Variants in NOL7 observed in about 807,000 individuals in gnomAD.
NOL7 encodes U3 small nucleolar RNA-associated protein NOL7.
A neutral mutation model predicts 38.4 loss-of-function variants in NOL7; 36 were observed. The observed-to-expected ratio is 0.94, with a 90% CI of 0.72 to 1.24. The LOEUF is 1.24. Ranked by LOEUF, NOL7 falls within the 50% of genes most tolerant of loss-of-function variation. The pLI is 0.00. For missense variants in NOL7, 350 were observed against 315.1 expected, an observed-to-expected ratio of 1.11 and a Z score of -0.84; for synonymous variants, 142 against 126.5, an observed-to-expected ratio of 1.12 and a Z score of -0.82.
At position 13,617,727 on chromosome 6, in the gene NOL7, C is replaced by G. The variant is rs370885273; in HGVS notation, c.387-43C>G. The stretch of plus-strand genomic sequence containing the variant: ...AATAATATAACATGTTTTGAGTAAT[C>G]TTTACTGCCATTGCAGTCAGTGGTT... On this transcript the variant is annotated intron_variant, in intron 3 of 7. Coordinates refer to ENST00000451315, the MANE Select transcript of NOL7 (RefSeq NM_016167.5). The G allele has an allele frequency of 8.1e-6, 13 of 1,595,104 alleles. No homozygotes were observed. The African/African-American group carries it at 1.6e-4, about 20-fold the overall frequency.
intron 5 of NOL7, 36 bp from the exon 6 acceptor site, chr6:13,620,172 T>C (rs1764402122): frequency 6.3e-7 from 1 of 1,579,574 alleles, no homozygotes; most frequent in Non-Finnish European, 8.6e-7. Context: ...AGTAAGCATG[T>C]GTAATTCTTA....
rs571805217 is a variant in NOL7 at position 13,621,009 on chromosome 6, A to G, written c.*182A>G. 40 of 432,510 alleles carry G rather than the reference A, an allele frequency of 9.2e-5. No individual in the cohort carries two copies. Among genetic ancestry groups the G allele is most frequent in the Non-Finnish European group, 8.4e-6 (2 of 237,814 alleles). The allele number at this position is 432,510 out of a possible 1,614,324, so 26.8% of individuals were successfully genotyped here. On this transcript the variant is annotated 3_prime_UTR_variant, in exon 8 of 8. Transcript: ENST00000451315. ...ATCCTAGAGGAAAAAGTGGTTTAAG[A>G]AGGAATTGTTTTCTTTTTAATATAT...
rs3757262 is a variant in NOL7 at position 13,616,480 on chromosome 6, A to T, written c.345A>T (p.Pro115=). 0.046 allele frequency: 73,847 copies of T among 1,606,918 alleles called. 2,164 individuals carry two copies. Among genetic ancestry groups the T allele is most frequent in the South Asian group, 0.12 (10,705 of 89,544 alleles). The change falls in exon 3 of 8, where the codon CCA becomes CCT. Residue 115 remains proline, a synonymous_variant. Coordinates refer to ENST00000451315, the MANE Select transcript of NOL7 (RefSeq NM_016167.5). ...TCCAAAAGAAAAGAAAACTCCTTCCAGACACTATTTTGGAGAAGTTAACCA... is the reference window on the plus strand; with the variant it reads ...TCCAAAAGAAAAGAAAACTCCTTCCTGACACTATTTTGGAGAAGTTAACCA... ...FIEQKKRKLL[P]DTILEKLTTA... is the part of the protein sequence containing the mutation.
chr6:13,617,270 C>A (rs552452143), intron 3 of NOL7, among the ~76,000 whole-genome samples: 2 of 149,576 alleles, frequency 1.3e-5, no homozygotes, highest in African/African-American at 5.1e-5. Context: ...CCATCACTTC[C>A]GCTTTTGTGT....
At chr6:13,632,466 T>C (rs775748955) in exon 9 of NOL7, 3 of 1,614,020 alleles carry the variant, frequency 1.9e-6, no homozygotes, top group Non-Finnish European at 2.5e-6. Context: ...TCATTCTTTC[T>C]ATGGCGGCCT....
At position 13,620,232 on chromosome 6, in the gene NOL7, A is replaced by C; in HGVS notation, c.525A>C (p.Val175=). The part of the protein sequence containing the change: ...SVSQNKSYLA[V]RLKDQDLRDS... ...GCCAGAATAAAAGCTACTTGGCCGT[A>C]AGGCTAAAAGACCAAGATCTGAGAG... is the stretch of plus-strand genomic sequence containing the variant. Residue 175 remains valine (V), a synonymous_variant, in exon 6 of 8, where the codon GTA becomes GTC. Transcript: ENST00000451315. The C allele has an allele frequency of 1.2e-6, 2 of 1,613,578 alleles. No homozygotes were observed. The highest frequency in any genetic ancestry group is 2.2e-5 in the South Asian group (2 of 91,022).
At chr6:13,622,632 A>G, downstream of NOL7, 1 of 897,998 alleles carries the variant, frequency 1.1e-6, no homozygotes, top group Non-Finnish European at 1.6e-6. Context: ...AAGGTTTCTA[A>G]GCAAAAGACA....
In NOL7 at chr6:13,620,207, G is replaced by A; in HGVS notation, c.501-1G>A. 6.2e-7 allele frequency: 1 copy of A among 1,605,500 alleles called. No individual in the cohort carries two copies. Among genetic ancestry groups the A allele is most frequent in the Non-Finnish European group, 8.5e-7 (1 of 1,177,726 alleles). ...ATTTAACCTTTTATATTGATCAACA[G>A]CCAGAATAAAAGCTACTTGGCCGTA... On this transcript the variant is annotated splice_acceptor_variant, in intron 5 of 7. Transcript: ENST00000451315. LOFTEE classifies it high-confidence loss of function.
Position 13,620,941 on chromosome 6 carries a change from C to A in NOL7, c.*114C>A. The A allele has an allele frequency of 1.5e-6, 1 of 649,320 alleles. No homozygotes were observed. Among genetic ancestry groups the A allele is most frequent in the Non-Finnish European group, 2.6e-6 (1 of 390,652 alleles). 40.2% of individuals were successfully genotyped at this position (649,320 alleles called of 1,614,324 possible). A position where few individuals can be genotyped will look rare whatever the true frequency, so the allele number is the denominator to read the frequency against. ...AATCATAAACCTATTTGAGGAAGTG[C>A]TCAACCACATTTCATTCTTCTGGAG... On this transcript the variant is annotated 3_prime_UTR_variant, in exon 8 of 8. Transcript: ENST00000451315.
chr6:13,618,923 G>C lies in NOL7; in HGVS notation c.500+784G>C, dbSNP rs12110338. On this transcript the variant is annotated intron_variant, in intron 5 of 7. Transcript: ENST00000451315. ...AAATCGGTTTTCATAAAAAAATAAAGATCAGTTGAACACTTTGTCTTTGCA... is the reference window on the plus strand; with the variant it reads ...AAATCGGTTTTCATAAAAAAATAAACATCAGTTGAACACTTTGTCTTTGCA... Among the ~76,000 whole-genome samples, 1,000 of 152,252 alleles carry C rather than the reference G, an allele frequency of 6.6e-3. 7 individuals carry two copies. Among genetic ancestry groups the C allele is most frequent in the African/African-American group, 0.023 (936 of 41,564 alleles).
rs1764290451 is a variant in NOL7 at position 13,616,469 on chromosome 6, A to G, written c.334A>G (p.Lys112Glu). The G allele has an allele frequency of 6.2e-7, 1 of 1,606,880 alleles. No individual in the cohort carries two copies. The highest frequency in any genetic ancestry group is 8.5e-7 in the Non-Finnish European group (1 of 1,176,398). ...EELFIEQKKR[K>E]LLPDTILEKL... is the part of the protein sequence containing the mutation. Reference sequence around the variant, plus strand: ...AACGTTTTCATTCCAAAAGAAAAGAAAACTCCTTCCAGACACTATTTTGGA... The same window carrying G: ...AACGTTTTCATTCCAAAAGAAAAGAGAACTCCTTCCAGACACTATTTTGGA... The change falls in exon 3 of 8, where the codon AAA (lysine) becomes GAA (glutamate). Residue 112 changes from lysine (K) to glutamate (E), a missense_variant. Coordinates refer to ENST00000451315, the MANE Select transcript of NOL7 (RefSeq NM_016167.5).
chr6:13,618,936 C>CT (rs1250433131), intron 5 of NOL7, among the ~76,000 whole-genome samples: 9 of 152,190 alleles, frequency 5.9e-5, no homozygotes, highest in Admixed American at 5.9e-4. Context: ...CAGTTGAACA[C>CT]TTTGTCTTTG....
Position 13,621,151 on chromosome 6 carries a change from C to T in NOL7, c.*324C>T, listed in dbSNP as rs1233827831. Reference sequence around the variant, plus strand: ...GGAGAAATGGATATTCCAGCAAAGTCTCTAACTGCAGCCTGTAGACAATTT... The same window carrying T: ...GGAGAAATGGATATTCCAGCAAAGTTTCTAACTGCAGCCTGTAGACAATTT... On this transcript the variant is annotated 3_prime_UTR_variant, in exon 8 of 8. Transcript: ENST00000451315. 5.9e-6 allele frequency: 1 copy of T among 169,530 alleles called. No individual in the cohort carries two copies. Among genetic ancestry groups the T allele is most frequent in the East Asian group, 1.5e-4 (1 of 6,484 alleles). 10.5% of individuals were successfully genotyped at this position (169,530 alleles called of 1,614,324 possible).
chr6:13,631,181 T>C (rs993786869), intron 8 of NOL7, among the ~76,000 whole-genome samples: 1 of 152,222 alleles, frequency 6.6e-6, no homozygotes, highest in African/African-American at 2.4e-5. Context: ...AATTTAACTT[T>C]TTTGATAGCT....
At chr6:13,623,862 A>G (rs1195023537), downstream of NOL7, among the ~76,000 whole-genome samples, 1 of 152,208 alleles carries the variant, frequency 6.6e-6, no homozygotes, top group African/African-American at 2.4e-5. Context: ...GTAAGAGTAT[A>G]TGTGTCTATA....
Position 13,632,252 on chromosome 6 carries a change from G to A in NOL7, n.574-141G>A, listed in dbSNP as rs1202156741. On this transcript the variant is annotated intron_variant and non_coding_transcript_variant, in intron 8 of 8. Coordinates refer to the NOL7 transcript ENST00000474485. The stretch of plus-strand genomic sequence containing the variant: ...ACTCTCAGATGGGCAAGGAGCCAGG[G>A]GGAAGGTCAGGTCCCAGTTCCCTAA... 5 of 866,758 alleles carry A rather than the reference G, an allele frequency of 5.8e-6. No homozygotes were observed. The African/African-American group carries it at 7.1e-5, about 12-fold the overall frequency. The allele number at this position is 866,758 out of a possible 1,614,324, so 53.7% of individuals were successfully genotyped here.
downstream of NOL7, chr6:13,625,897 C>A: frequency 1.7e-6 from 1 of 577,744 alleles, no homozygotes; most frequent in South Asian, 2.1e-5. Flanking sequence ...CCATTTACTC[C>A]CAGCACTGGG....
intron 3 of NOL7, 66 bp from the exon 4 acceptor site, chr6:13,617,704 T>C: frequency 1.4e-6 from 2 of 1,471,292 alleles, no homozygotes; most frequent in Non-Finnish European, 1.9e-6. Context: ...GCAAATGAAA[T>C]AATATAACAT....
intron 8 of NOL7, among the ~76,000 whole-genome samples, chr6:13,629,835 A>T (rs1764723866): frequency 6.6e-6 from 1 of 152,076 alleles, no homozygotes; most frequent in Non-Finnish European, 1.5e-5. Context: ...CAAGAGAAAC[A>T]GTGTGCCACC....
Sources: gnomAD v4.1 joint callset for allele counts (sites outside exome capture counted in the v4.1 genomes callset) on GRCh38, gnomAD v4.1.1 for gene constraint, MANE v1.5 for transcripts, NCBI Gene and HGNC (gene_info 2026-07-23, HGNC 2026-07-21) for gene names.